The following TIMM9 variants were observed in gnomAD, a reference collection of about 807,000 sequenced individuals.
TIMM9 encodes translocase of inner mitochondrial membrane 9.
In TIMM9, 10 loss-of-function variants were observed where a neutral mutation model predicts 13.4. The observed-to-expected ratio is 0.75, with a 90% CI of 0.46 to 1.26. The LOEUF is 1.26. Ranked by LOEUF, TIMM9 falls within the 50% of genes most tolerant of loss-of-function variation. TIMM9 has a pLI of 0.00. For synonymous variants in TIMM9, 32 were observed against 32.1 expected (o/e 1.00, Z 0.01); for missense variants, 87 against 100.8 (o/e 0.86, Z 0.58).
rs1404083647 is a variant in TIMM9, at chr14:58,417,050, G to A, written c.-26-5079C>T. On this transcript the variant is annotated intron_variant, in intron 3 of 5. Transcript: ENST00000395159. ...ATGCTGTTCTCATGATAGTGAATAA[G>A]TCTCCCAAGATCTGACGGTTTTATC... Among the ~76,000 whole-genome samples, 3 of 152,132 alleles carry A rather than the reference G, an allele frequency of 2.0e-5. 1 individual carries two copies. The highest frequency in any genetic ancestry group is 4.1e-4 in the South Asian group (2 of 4,826).
rs1223464408 is a variant in TIMM9 at position 58,411,575 on chromosome 14, T to G, written c.39+332A>C. ...TTTTTTTTGAGATGGAGTCTTGCTC[T>G]GTCACCCAGGCTGGAGTGCAATGCC... On this transcript the variant is annotated intron_variant, in intron 4 of 5. Coordinates refer to ENST00000395159, the MANE Select transcript of TIMM9 (RefSeq NM_012460.4). Among the ~76,000 whole-genome samples, 4 of 152,004 alleles carry G rather than the reference T, an allele frequency of 2.6e-5. No individual in the cohort carries two copies. The East Asian group carries it at 7.7e-4, about 29-fold the overall frequency.
intron 3 of TIMM9, among the ~76,000 whole-genome samples, chr14:58,416,827 G>C (rs578119958): frequency 6.6e-6 from 1 of 152,132 alleles, no homozygotes; most frequent in African/African-American, 2.4e-5. Flanking sequence ...AAGGAAAAAG[G>C]CCAGGTGTCG....
chr14:58,422,678 T>A (rs753981511), intron 3 of TIMM9, among the ~76,000 whole-genome samples: 72 of 152,194 alleles, frequency 4.7e-4, no homozygotes, highest in Non-Finnish European at 8.8e-4. Context: ...AAAAGTAATA[T>A]ATTTATTGAG....
chr14:58,417,430 G>A (rs1270701598), intron 3 of TIMM9, among the ~76,000 whole-genome samples: 1 of 142,122 alleles, frequency 7.0e-6, no homozygotes, highest in African/African-American at 2.6e-5. Flanking sequence ...GAGCCAAGGA[G>A]TTTAAGGCTG....
chr14:58,409,483 G>A (rs954148582), intron 5 of TIMM9, among the ~76,000 whole-genome samples: 5 of 152,212 alleles, frequency 3.3e-5, no homozygotes, highest in Middle Eastern at 3.4e-3. Flanking sequence ...TTCTTGTTTC[G>A]ATTATTAAAA....
At chr14:58,423,836 T>A (rs1374572011) in intron 3 of TIMM9, 172 bp downstream of exon 3, 1 of 152,226 alleles carries the variant, frequency 6.6e-6, no homozygotes, top group East Asian at 1.9e-4. Context: ...ACCTTCTGAT[T>A]ATATCCCTGA....
At chr14:58,413,433 AAAAG>A (rs2036285528) in intron 3 of TIMM9, among the ~76,000 whole-genome samples, 1 of 152,264 alleles carries the variant, frequency 6.6e-6, no homozygotes, top group South Asian at 2.1e-4. Flanking sequence ...TCAGAGTTTT[AAAAG>A]AAAGTTACAG....
At chr14:58,410,671 C>T (rs889816305) in intron 5 of TIMM9, among the ~76,000 whole-genome samples, 172 bp downstream of exon 5, 6 of 152,204 alleles carry the variant, frequency 3.9e-5, no homozygotes, top group Non-Finnish European at 7.3e-5. Context: ...AAATTTGGCA[C>T]TGTTAAACTC....
Position 58,408,545 on chromosome 14 carries a change from T to A in TIMM9, c.*489A>T. 1 of 1,613,810 alleles carries A rather than the reference T, an allele frequency of 6.2e-7. No homozygotes were observed. The highest frequency in any genetic ancestry group is 2.2e-5 in the East Asian group (1 of 44,858). ...ATTCACCAGCAATTTGAGGCAGACA[T>A]GAATGAACAGGACTGCTTGGAGGAT... On this transcript the variant is annotated 3_prime_UTR_variant, in exon 6 of 6. Coordinates refer to ENST00000395159, the MANE Select transcript of TIMM9 (RefSeq NM_012460.4).
At chr14:58,418,094 A>T (rs1175853667) in intron 3 of TIMM9, among the ~76,000 whole-genome samples, 2 of 152,186 alleles carry the variant, frequency 1.3e-5, no homozygotes, top group African/African-American at 4.8e-5. Context: ...AGCAAATATA[A>T]TTCAGCAATA....
intron 2 of TIMM9, 85 bp downstream of exon 2, chr14:58,426,969 G>C (rs2036865499): frequency 6.5e-6 from 1 of 152,924 alleles, no homozygotes; most frequent in Non-Finnish European, 1.5e-5. Context: ...GCCTCCTCGG[G>C]AGACCCCGCC....
chr14:58,425,704 T>A (rs1256378453), intron 2 of TIMM9, among the ~76,000 whole-genome samples: 2 of 152,234 alleles, frequency 1.3e-5, no homozygotes, highest in African/African-American at 4.8e-5. Context: ...AGTTAAACTA[T>A]CTCCAAGGTC....
intron 3 of TIMM9, among the ~76,000 whole-genome samples, chr14:58,422,865 A>C (rs2036628533): frequency 1.3e-5 from 2 of 152,008 alleles, no homozygotes; most frequent in Admixed American, 6.5e-5. Flanking sequence ...GCTGGAGTAC[A>C]GTGGTGCAAT....
In TIMM9 at chr14:58,408,947, T is replaced by G. The variant is rs991554121; in HGVS notation, c.*87A>C. ...ATGGTTGAACATGGTGGCTACTGCT[T>G]TCAGGGGATTCTATCAGATGAGTCC... is the stretch of plus-strand genomic sequence containing the variant. On this transcript the variant is annotated 3_prime_UTR_variant, in exon 6 of 6. Transcript: ENST00000395159. The G allele has an allele frequency of 1.1e-5, 17 of 1,532,506 alleles. No homozygotes were observed. Among genetic ancestry groups the G allele is most frequent in the Non-Finnish European group, 1.5e-5 (17 of 1,144,542 alleles). The allele number at this position is 1,532,506 out of a possible 1,614,324, so 94.9% of individuals were successfully genotyped here.
intron 3 of TIMM9, among the ~76,000 whole-genome samples, chr14:58,420,318 A>G (rs1342302611): frequency 6.6e-6 from 1 of 152,236 alleles, no homozygotes; most frequent in African/African-American, 2.4e-5. Flanking sequence ...TAACTGACAA[A>G]GAACTAATAA....
rs572058072 is a variant in TIMM9, at chr14:58,422,581, ATCT to A, written c.-27+1424_-27+1426del. ...AATGCCCCAAGTGCTGTTGGTATGA[ATCT>A]TCTTTATTCATTAATGTATTAATAT... On this transcript the variant is annotated intron_variant, in intron 3 of 5. Coordinates refer to ENST00000395159, the MANE Select transcript of TIMM9 (RefSeq NM_012460.4). 4.4e-3 allele frequency among the ~76,000 whole-genome samples: 670 copies of A among 152,296 alleles called. 1 individual carries two copies. Among genetic ancestry groups the A allele is most frequent in the African/African-American group, 0.013 (533 of 41,562 alleles).
chr14:58,426,271 T>C (rs908750545), intron 2 of TIMM9, among the ~76,000 whole-genome samples: 2 of 151,354 alleles, frequency 1.3e-5, no homozygotes, highest in African/African-American at 4.9e-5. Context: ...AATGGCGCGA[T>C]CTCAGCTCAC....
chr14:58,424,982 CAA>C (rs1192701310), intron 2 of TIMM9, among the ~76,000 whole-genome samples: 1 of 151,918 alleles, frequency 6.6e-6, no homozygotes, highest in Non-Finnish European at 1.5e-5. Flanking sequence ...GTATTCTGGC[CAA>C]AGTTTGATAT....
chr14:58,415,489 A>G (rs563021711), intron 3 of TIMM9, among the ~76,000 whole-genome samples: 2 of 152,228 alleles, frequency 1.3e-5, no homozygotes, highest in African/African-American at 4.8e-5. Flanking sequence ...CAAATGAAAA[A>G]ACAGAAGGTC....
Sources: allele counts gnomAD v4.1 joint callset (sites outside exome capture counted in the v4.1 genomes callset), GRCh38; gene constraint gnomAD v4.1.1; transcripts MANE v1.5; gene names NCBI Gene and HGNC (gene_info 2026-07-23, HGNC 2026-07-21).